The following MON2 variants were observed in gnomAD, a reference collection of about 807,000 sequenced individuals.
The protein encoded by MON2 is MON2 regulator of endosome-to-Golgi trafficking, also known as protein MON2 homolog.
MON2 carries 84 observed loss-of-function variants against 208.6 expected under a neutral mutation model. That is an observed-to-expected ratio of 0.40 (90% CI 0.34 to 0.48). The LOEUF (loss-of-function observed/expected upper bound fraction) is 0.48, where lower values mean the gene tolerates loss of function less well. Among genes scored for constraint, MON2 ranks in the 20% least tolerant of loss-of-function variants. The pLI is 0.59. For synonymous variants in MON2, 660 were observed against 694.0 expected, an observed-to-expected ratio of 0.95 and a Z score of 0.77; for missense variants, 1,611 against 2,015.4, an observed-to-expected ratio of 0.80 and a Z score of 3.84.
At chr12:62,533,982 T>G (rs2136222851) in intron 12 of MON2, among the ~76,000 whole-genome samples, 1 of 152,334 alleles carries the variant, frequency 6.6e-6, no homozygotes, top group African/African-American at 2.4e-5. Context: ...TTTGCTTGAT[T>G]CTCAGTGTAT....
In MON2 at chr12:62,472,520, T is replaced by C. The variant is rs1211302438; in HGVS notation, c.111+5202T>C. Among the ~76,000 whole-genome samples the C allele has an allele frequency of 2.0e-5, 3 of 152,262 alleles. No homozygotes were observed. The South Asian group carries it at 6.2e-4, about 31-fold the overall frequency. ...AAGTTTCCTGTTACCCATTCAGGCC[T>C]AATAGAAATTGGCTGGCAGAGAAAA... is the stretch of plus-strand genomic sequence containing the variant. On this transcript the variant is annotated intron_variant, in intron 1 of 34. Transcript: ENST00000393630.
Position 62,508,329 on chromosome 12 carries a change from T to C in MON2, c.833T>C (p.Leu278Pro). The change falls in exon 8 of 35, where the codon CTT becomes CCT. Residue 278 changes from leucine to proline, a missense_variant. Transcript: ENST00000393630. ...CTCCTCAAAGAAAGGGTATGTCCTC[T>C]TGTGATAAAGCTCTTTTCTCCAAAT... ...SFLLKERVCP[L>P]VIKLFSPNIK... The C allele has an allele frequency of 1.2e-6, 2 of 1,614,098 alleles. No homozygotes were observed. The highest frequency in any genetic ancestry group is 1.7e-6 in the Non-Finnish European group (2 of 1,179,976).
intron 1 of MON2, among the ~76,000 whole-genome samples, chr12:62,476,375 A>G (rs1248372994): frequency 6.6e-6 from 1 of 151,694 alleles, no homozygotes. Flanking sequence ...AGGCAGCTCC[A>G]TACCTCTCTT....
At chr12:62,473,840 G>T (rs1369415263) in intron 1 of MON2, among the ~76,000 whole-genome samples, 4 of 152,164 alleles carry the variant, frequency 2.6e-5, no homozygotes, top group African/African-American at 7.2e-5. Flanking sequence ...CAAAGTGCTG[G>T]GATTACAGAC....
Position 62,504,598 on chromosome 12 carries a change from T to C in MON2, c.789+2900T>C, listed in dbSNP as rs572679187. Among the ~76,000 whole-genome samples the C allele has an allele frequency of 7.3e-4, 111 of 152,316 alleles. 1 individual carries two copies. Among genetic ancestry groups the C allele is most frequent in the Admixed American group, 1.2e-3 (19 of 15,296 alleles). ...AAAATTTACTTTATTCTTCCTGCTG[T>C]AAAGCATGGAAGGGGAAGAATTCTC... On this transcript the variant is annotated intron_variant, in intron 7 of 34. Transcript: ENST00000393630.
intron 8 of MON2, among the ~76,000 whole-genome samples, chr12:62,513,344 G>A (rs1215461162): frequency 1.3e-5 from 2 of 152,020 alleles, no homozygotes; most frequent in Admixed American, 1.3e-4. Context: ...TCCTGCCTCA[G>A]CCTCCTGAGT....
chr12:62,529,811 A>G (rs551079626), intron 11 of MON2, among the ~76,000 whole-genome samples: 1 of 152,324 alleles, frequency 6.6e-6, no homozygotes, highest in East Asian at 1.9e-4. Flanking sequence ...GAATCACACA[A>G]TAAATGTTAT....
intron 11 of MON2, among the ~76,000 whole-genome samples, chr12:62,532,119 C>T (rs1456196898): frequency 2.0e-5 from 3 of 152,082 alleles, no homozygotes; most frequent in African/African-American, 7.2e-5. Context: ...AGTTTTATCT[C>T]ATTGTATTTT....
intron 32 of MON2, among the ~76,000 whole-genome samples, chr12:62,581,735 G>A (rs2075014095): frequency 6.6e-6 from 1 of 152,114 alleles, no homozygotes; most frequent in Non-Finnish European, 1.5e-5. Context: ...GGAGGCTGAG[G>A]CAGGAAAATT....
chr12:62,560,488 T>C lies in MON2; in HGVS notation c.3410-3T>C. The C allele has an allele frequency of 6.3e-7, 1 of 1,592,358 alleles. No individual in the cohort carries two copies. The highest frequency in any genetic ancestry group is 8.5e-7 in the Non-Finnish European group (1 of 1,173,630). ...ATAGTTTTTTTTTCTCTTCCTAATA[T>C]AGGAGATTTTTCAAGAGCTTGGGAT... On this transcript the variant is annotated splice_region_variant and splice_polypyrimidine_tract_variant and intron_variant, in intron 25 of 34. Transcript: ENST00000393630.
intron 24 of MON2, among the ~76,000 whole-genome samples, chr12:62,553,671 A>G (rs1203320114): frequency 1.3e-5 from 2 of 152,264 alleles, no homozygotes; most frequent in African/African-American, 2.4e-5. Context: ...TCCAAATGGT[A>G]TATTGTACAT....
At position 62,560,966 on chromosome 12, in the gene MON2, C is replaced by G; in HGVS notation, c.3885C>G (p.Asp1295Glu). ...QHIKTGFNMD[D>E]LQKLGVILHS... ...TAAAAACTGGTTTCAATATGGATGACTTGCAAAAGTTGGGAGTCATATTGC... is the reference window on the plus strand; with the variant it reads ...TAAAAACTGGTTTCAATATGGATGAGTTGCAAAAGTTGGGAGTCATATTGC... The change falls in exon 26 of 35, where the codon GAC becomes GAG. Residue 1295 changes from aspartate to glutamate, a missense_variant. Coordinates refer to ENST00000393630, the MANE Select transcript of MON2 (RefSeq NM_015026.3). The G allele has an allele frequency of 1.2e-6, 2 of 1,613,974 alleles. No individual in the cohort carries two copies. Among genetic ancestry groups the G allele is most frequent in the Non-Finnish European group, 1.7e-6 (2 of 1,179,908 alleles).
At chr12:62,544,422 A>T (rs533959940) in intron 20 of MON2, among the ~76,000 whole-genome samples, 2 of 152,266 alleles carry the variant, frequency 1.3e-5, no homozygotes, top group East Asian at 3.9e-4. Flanking sequence ...TTCCAGACTG[A>T]GTAACAAAGT....
intron 34 of MON2, chr12:62,588,913 A>G (rs1169198711): frequency 6.9e-7 from 1 of 1,445,576 alleles, no homozygotes; most frequent in Non-Finnish European, 9.3e-7. Flanking sequence ...TTAATCTCTT[A>G]AAGGTAAATA....
At chr12:62,558,851 C>G (rs1429980141) in intron 25 of MON2, among the ~76,000 whole-genome samples, 1 of 152,042 alleles carries the variant, frequency 6.6e-6, no homozygotes, top group Non-Finnish European at 1.5e-5. Context: ...TGCCCACCAC[C>G]ATGCCCAGCT....
chr12:62,514,279 G>A (rs2071573173), intron 8 of MON2, among the ~76,000 whole-genome samples: 1 of 152,164 alleles, frequency 6.6e-6, no homozygotes, highest in South Asian at 2.1e-4. Flanking sequence ...CTGTTACCCA[G>A]TTCCGAAGTC....
intron 7 of MON2, among the ~76,000 whole-genome samples, chr12:62,507,841 T>C (rs1392142585): frequency 6.6e-6 from 1 of 152,206 alleles, no homozygotes; most frequent in Non-Finnish European, 1.5e-5. Context: ...TGATCACGGC[T>C]AACTGCAGCC....
At chr12:62,531,492 G>A (rs1055324014) in intron 11 of MON2, among the ~76,000 whole-genome samples, 8 of 152,004 alleles carry the variant, frequency 5.3e-5, no homozygotes, top group Non-Finnish European at 1.2e-4. Context: ...CTTTTTTCCA[G>A]GAATTATTTT....
chr12:62,563,240 A>G (rs752164459), intron 26 of MON2, among the ~76,000 whole-genome samples: 5 of 152,200 alleles, frequency 3.3e-5, no homozygotes, highest in Non-Finnish European at 5.9e-5. Context: ...AGTAAAAATA[A>G]TAAGTCTACA....
Sources: gnomAD v4.1 joint callset for allele counts (sites outside exome capture counted in the v4.1 genomes callset) on GRCh38, gnomAD v4.1.1 for gene constraint, MANE v1.5 for transcripts, NCBI Gene and HGNC (gene_info 2026-07-23, HGNC 2026-07-21) for gene names.